Variants in GRM5 observed in about 807,000 individuals in gnomAD.
The protein encoded by GRM5 is metabotropic glutamate receptor 5.
A neutral mutation model predicts 83.1 loss-of-function variants in GRM5; 19 were observed. The observed-to-expected ratio is 0.23, with a 90% CI of 0.16 to 0.34. The LOEUF (loss-of-function observed/expected upper bound fraction) is 0.34, where lower values mean the gene tolerates loss of function less well. GRM5 is among the 10% of genes least tolerant of loss of function. The pLI is 1.00. For missense variants in GRM5, 1,160 were observed against 1,588.3 expected, an observed-to-expected ratio of 0.73 and a Z score of 4.58; for synonymous variants, 675 against 633.6, an observed-to-expected ratio of 1.07 and a Z score of -0.98.
intron 2 of GRM5, among the ~76,000 whole-genome samples, chr11:88,965,278 G>A (rs1416552543): frequency 6.6e-6 from 1 of 152,062 alleles, no homozygotes; most frequent in Non-Finnish European, 1.5e-5. Context: ...TTGATTTCTG[G>A]TGAGAGGCCT....
chr11:88,979,910 G>A (rs760286237), intron 2 of GRM5, among the ~76,000 whole-genome samples: 4 of 152,002 alleles, frequency 2.6e-5, no homozygotes, highest in Non-Finnish European at 5.9e-5. Flanking sequence ...CTAATTCCCA[G>A]ATTCTTATTG....
chr11:88,723,904 C>T (rs1465265641), intron 3 of GRM5, among the ~76,000 whole-genome samples: 1 of 152,056 alleles, frequency 6.6e-6, no homozygotes, highest in Non-Finnish European at 1.5e-5. Context: ...TCAGGGAGTA[C>T]ATGTGCATGT....
chr11:88,889,918 C>T (rs1945113215), intron 2 of GRM5, among the ~76,000 whole-genome samples: 1 of 152,214 alleles, frequency 6.6e-6, no homozygotes, highest in South Asian at 2.1e-4. Context: ...CAGATAGTGC[C>T]CTCTCTAAAT....
At chr11:88,656,451 C>T (rs1038816416) in intron 3 of GRM5, among the ~76,000 whole-genome samples, 15 of 152,138 alleles carry the variant, frequency 9.9e-5, no homozygotes, top group Non-Finnish European at 1.9e-4. Context: ...TTTTTGCAGT[C>T]ATTCATGGGC....
intron 2 of GRM5, among the ~76,000 whole-genome samples, chr11:88,916,345 T>A (rs1240645535): frequency 6.6e-6 from 1 of 152,128 alleles, no homozygotes; most frequent in East Asian, 1.9e-4. Flanking sequence ...AGAGAATCTG[T>A]ATGCTTGGTA....
intron 3 of GRM5, among the ~76,000 whole-genome samples, chr11:88,772,854 G>A (rs1232847251): frequency 1.3e-5 from 2 of 152,160 alleles, no homozygotes; most frequent in Non-Finnish European, 2.9e-5. Context: ...TATCATTGAT[G>A]GACATTTGGG....
intron 7 of GRM5, among the ~76,000 whole-genome samples, chr11:88,578,487 G>C (rs1360497400): frequency 6.6e-6 from 1 of 152,146 alleles, no homozygotes; most frequent in African/African-American, 2.4e-5. Context: ...GTTTTGGTCA[G>C]ACCACAAATT....
At chr11:88,841,459 T>G (rs1368581531) in intron 3 of GRM5, among the ~76,000 whole-genome samples, 1 of 152,194 alleles carries the variant, frequency 6.6e-6, no homozygotes, top group East Asian at 1.9e-4. Context: ...TATTAGACTC[T>G]AAATGTATGC....
At chr11:88,600,079 C>T (rs992758701) in intron 5 of GRM5, among the ~76,000 whole-genome samples, 1 of 152,124 alleles carries the variant, frequency 6.6e-6, no homozygotes, top group African/African-American at 2.4e-5. Context: ...AGTAAAGATC[C>T]AACTTGCACA....
Position 89,008,613 on chromosome 11 carries a change from T to C in GRM5, c.661+38599A>G, listed in dbSNP as rs569540375. 2.9e-4 allele frequency among the ~76,000 whole-genome samples: 44 copies of C among 152,290 alleles called. No homozygotes were observed. The South Asian group carries it at 8.7e-3, about 30-fold the overall frequency. ...ATTGAACTCAAAGAACACAATCATG[T>C]TGTTACTGGTTTCATCGTAAGGTTA... On this transcript the variant is annotated intron_variant, in intron 2 of 9. Transcript: ENST00000305447.
chr11:88,787,935 A>C (rs1023645642), intron 3 of GRM5, among the ~76,000 whole-genome samples: 2 of 152,216 alleles, frequency 1.3e-5, no homozygotes. Flanking sequence ...AGGTCAATAC[A>C]TAGGCTAGAT....
intron 3 of GRM5, among the ~76,000 whole-genome samples, chr11:88,732,196 G>C (rs975969599): frequency 6.6e-6 from 1 of 151,998 alleles, no homozygotes; most frequent in African/African-American, 2.4e-5. Flanking sequence ...TCTCCTGTTT[G>C]ACTGAAAATT....
At chr11:88,597,440 T>C in intron 5 of GRM5, 88 bp from the exon 6 acceptor site, 2 of 676,762 alleles carry the variant, frequency 3.0e-6, no homozygotes, top group South Asian at 4.2e-5. Flanking sequence ...CAAAAATGTG[T>C]CTATTGTCAT....
At chr11:88,678,285 C>G (rs916945828) in intron 3 of GRM5, among the ~76,000 whole-genome samples, 2 of 151,978 alleles carry the variant, frequency 1.3e-5, no homozygotes, top group Admixed American at 1.3e-4. Context: ...TCTTGAACTC[C>G]TGGGCTCAAG....
intron 3 of GRM5, among the ~76,000 whole-genome samples, chr11:88,755,721 C>G (rs1942381972): frequency 6.6e-6 from 1 of 152,070 alleles, no homozygotes; most frequent in Non-Finnish European, 1.5e-5. Flanking sequence ...TGATATTTAC[C>G]AGGACCCATT....
Position 88,780,718 on chromosome 11 carries a change from G to T in GRM5, c.911+69188C>A, listed in dbSNP as rs1042494127. 1.6e-4 allele frequency among the ~76,000 whole-genome samples: 25 copies of T among 151,968 alleles called. 1 individual carries two copies. The East Asian group carries it at 3.7e-3, about 22-fold the overall frequency. On this transcript the variant is annotated intron_variant, in intron 3 of 9. Coordinates refer to ENST00000305447, the MANE Select transcript of GRM5 (RefSeq NM_001143831.3). The stretch of plus-strand genomic sequence containing the variant: ...TATTAAAAAATGTTGTAAAGATGGG[G>T]GTCTCACTATGTTGCCCAGGCTGGT...
intron 3 of GRM5, among the ~76,000 whole-genome samples, chr11:88,774,769 G>C (rs2387408): frequency 0.72 from 110,018 of 152,086 alleles, 40,224 homozygotes; most frequent in Non-Finnish European, 0.75. Context: ...GTATGTTGAA[G>C]CAGCCTTGCA....
chr11:88,513,909 G>A (rs990470428), intron 9 of GRM5, among the ~76,000 whole-genome samples: 1 of 140,586 alleles, frequency 7.1e-6, no homozygotes, highest in Non-Finnish European at 1.5e-5. Flanking sequence ...GAGCTAAGAT[G>A]TTGTATTTAT....
At chr11:88,759,415 G>A (rs191997645) in intron 3 of GRM5, among the ~76,000 whole-genome samples, 5 of 152,154 alleles carry the variant, frequency 3.3e-5, no homozygotes, top group Admixed American at 2.0e-4. Context: ...AAAAAAAGCA[G>A]GCATTGCAAT....
Sources: allele counts gnomAD v4.1 joint callset (sites outside exome capture counted in the v4.1 genomes callset), GRCh38; gene constraint gnomAD v4.1.1; transcripts MANE v1.5; gene names NCBI Gene and HGNC (gene_info 2026-07-23, HGNC 2026-07-21).